Variants in FAM13A observed in about 807,000 individuals in gnomAD.
FAM13A encodes family with sequence similarity 13 member A.
In FAM13A, 76 loss-of-function variants were observed where a neutral mutation model predicts 129.6. The ratio of observed to expected loss-of-function variants is 0.59; its 90% CI spans 0.49 to 0.71. The LOEUF is 0.71. FAM13A is among the 30% of genes least tolerant of loss of function. The probability of loss-of-function intolerance (pLI) is 0.00; values close to 1 mark genes in which losing one functional copy is unlikely to be tolerated. For synonymous variants in FAM13A, 443 were observed against 449.9 expected (o/e 0.98, Z 0.20); for missense variants, 1,108 against 1,249.3 (o/e 0.89, Z 1.70).
At chr4:88,827,582 C>G (rs1263422184) in intron 7 of FAM13A, among the ~76,000 whole-genome samples, 1 of 152,172 alleles carries the variant, frequency 6.6e-6, no homozygotes, top group Admixed American at 6.5e-5. Flanking sequence ...ATTTCTCTTC[C>G]TCCTGGCCCT....
intron 5 of FAM13A, among the ~76,000 whole-genome samples, chr4:88,912,342 C>A (rs368628045): frequency 6.6e-6 from 1 of 152,050 alleles, no homozygotes; most frequent in Admixed American, 6.6e-5. Context: ...GGGCACCCAT[C>A]TTCCCCTGCT....
intron 6 of FAM13A, among the ~76,000 whole-genome samples, chr4:88,892,424 C>T (rs2150169381): frequency 6.6e-6 from 1 of 152,196 alleles, no homozygotes; most frequent in African/African-American, 2.4e-5. Flanking sequence ...CGTGACCTGC[C>T]CGCCTCGGCC....
At chr4:89,030,692 A>G (rs990984570) in intron 1 of FAM13A, among the ~76,000 whole-genome samples, 4 of 152,222 alleles carry the variant, frequency 2.6e-5, no homozygotes, top group Admixed American at 1.3e-4. Context: ...TAAAAGTCAG[A>G]GAACTAGTAA....
At chr4:89,056,832 G>A (rs1043452336) in intron 1 of FAM13A, 106 bp downstream of exon 1, 18 of 1,122,160 alleles carry the variant, frequency 1.6e-5, no homozygotes, top group Admixed American at 1.2e-4. Flanking sequence ...CCACCTCCTG[G>A]GAAGGAAAAA....
chr4:88,860,966 A>G (rs560774276), intron 6 of FAM13A, among the ~76,000 whole-genome samples: 2 of 152,252 alleles, frequency 1.3e-5, no homozygotes, highest in African/African-American at 4.8e-5. Flanking sequence ...TGAACACTTT[A>G]TTTTACAACA....
chr4:89,029,419 G>C lies in FAM13A; in HGVS notation c.217+41C>G, dbSNP rs777760844. 5 of 1,471,322 alleles carry C rather than the reference G, an allele frequency of 3.4e-6. No individual in the cohort carries two copies. The Admixed American group carries it at 9.9e-5, about 29-fold the overall frequency. 91.1% of individuals were successfully genotyped at this position (1,471,322 alleles called of 1,614,324 possible). A position where few individuals can be genotyped will look rare whatever the true frequency, so the allele number is the denominator to read the frequency against. On this transcript the variant is annotated intron_variant, in intron 2 of 23. Transcript: ENST00000264344. Reference sequence around the variant, plus strand: ...CACACAAATAATTTGTTTATGCAAGGGACTGTGAAAATGAACAGACTAAAG... The same window carrying C: ...CACACAAATAATTTGTTTATGCAAGCGACTGTGAAAATGAACAGACTAAAG...
At chr4:88,771,153 T>TC (rs1393647626) in intron 11 of FAM13A, among the ~76,000 whole-genome samples, 6 of 150,612 alleles carry the variant, frequency 4.0e-5, no homozygotes, top group African/African-American at 1.5e-4. Context: ...CGGAAAGCAT[T>TC]TTTTTTTTTT....
intron 6 of FAM13A, among the ~76,000 whole-genome samples, chr4:88,854,751 G>A (rs1738207297): frequency 6.6e-6 from 1 of 152,200 alleles, no homozygotes; most frequent in African/African-American, 2.4e-5. Context: ...TTCCATGCAT[G>A]TATCTGCAAG....
At chr4:88,759,491 G>A (rs1471760138) in intron 13 of FAM13A, 1 of 152,192 alleles carries the variant, frequency 6.6e-6, no homozygotes, top group Non-Finnish European at 1.5e-5. Flanking sequence ...AGGAGCTCTG[G>A]GTATTAAAGC....
chr4:88,758,706 A>G lies in FAM13A; in HGVS notation c.1726+48T>C, dbSNP rs73841700. 4,884 of 1,565,110 alleles carry G rather than the reference A, an allele frequency of 3.1e-3. 126 individuals are homozygous for G. In the African/African-American group the frequency reaches 0.057, roughly 18 times the overall value. ...ACATGCCTCTCATTTGTGCTTATTT[A>G]TATATGCTTTAATGATAGCAAATCA... On this transcript the variant is annotated intron_variant, in intron 14 of 23. Transcript: ENST00000264344.
At chr4:88,802,720 T>C (rs1447623608) in intron 8 of FAM13A, among the ~76,000 whole-genome samples, 1 of 152,220 alleles carries the variant, frequency 6.6e-6, no homozygotes, top group Non-Finnish European at 1.5e-5. Context: ...AGCAAGGTCC[T>C]GGGACCTCCA....
At chr4:88,887,410 T>G (rs1561254594) in intron 6 of FAM13A, among the ~76,000 whole-genome samples, 3 of 152,198 alleles carry the variant, frequency 2.0e-5, no homozygotes, top group African/African-American at 7.2e-5. Flanking sequence ...ACATTACTAT[T>G]AAGTGACAGT....
At chr4:88,831,604 G>A (rs1278626786) in intron 7 of FAM13A, among the ~76,000 whole-genome samples, 1 of 152,090 alleles carries the variant, frequency 6.6e-6, no homozygotes, top group Non-Finnish European at 1.5e-5. Context: ...AAATAAATAA[G>A]TGAAAATATA....
At chr4:89,003,343 G>C (rs1560748777) in intron 3 of FAM13A, among the ~76,000 whole-genome samples, 1 of 151,940 alleles carries the variant, frequency 6.6e-6, no homozygotes, top group South Asian at 2.1e-4. Flanking sequence ...GGGCATGGTG[G>C]CTCACACCTG....
chr4:88,844,378 A>G (rs1009663349), intron 7 of FAM13A, among the ~76,000 whole-genome samples: 1 of 152,236 alleles, frequency 6.6e-6, no homozygotes, highest in African/African-American at 2.4e-5. Context: ...ACCTAACTCA[A>G]TAAATGTCTG....
chr4:89,028,830 T>C (rs971012329), intron 2 of FAM13A, among the ~76,000 whole-genome samples: 1 of 151,892 alleles, frequency 6.6e-6, no homozygotes, highest in Non-Finnish European at 1.5e-5. Context: ...TCCAGATTTG[T>C]GATTTATTTT....
chr4:88,743,616 T>C (rs1740683619), intron 19 of FAM13A, among the ~76,000 whole-genome samples: 1 of 152,196 alleles, frequency 6.6e-6, no homozygotes, highest in African/African-American at 2.4e-5. Flanking sequence ...CGTGATGATT[T>C]TTGGATCTGG....
At chr4:88,737,370 C>A (rs769539447) in intron 21 of FAM13A, 102 bp downstream of exon 21, 5 of 985,080 alleles carry the variant, frequency 5.1e-6, no homozygotes, top group Non-Finnish European at 8.1e-6. Context: ...GAAGCCACCA[C>A]CAAAAGGCCC....
chr4:88,907,150 T>TG (rs2150235642), intron 5 of FAM13A, among the ~76,000 whole-genome samples: 2 of 152,352 alleles, frequency 1.3e-5, no homozygotes, highest in Non-Finnish European at 2.9e-5. Context: ...GTTTCAATAA[T>TG]GCAGAGCCTC....
Sources: gnomAD v4.1 joint callset for allele counts (sites outside exome capture counted in the v4.1 genomes callset) on GRCh38, gnomAD v4.1.1 for gene constraint, MANE v1.5 for transcripts, NCBI Gene and HGNC (gene_info 2026-07-23, HGNC 2026-07-21) for gene names.